PCYT1A: variants seen among roughly 807,000 people sequenced by gnomAD.
PCYT1A encodes choline-phosphate cytidylyltransferase A.
In PCYT1A, 25 loss-of-function variants were observed where a neutral mutation model predicts 43.7. That is an observed-to-expected ratio of 0.57 (90% CI 0.42 to 0.80). The LOEUF is 0.80. Among genes scored for constraint, PCYT1A ranks in the 30% least tolerant of loss-of-function variants. PCYT1A has a pLI of 0.00. For synonymous variants in PCYT1A, 172 were observed against 170.7 expected (o/e 1.01, Z -0.06); for missense variants, 421 against 474.2 (o/e 0.89, Z 1.04).
intron 1 of PCYT1A, among the ~76,000 whole-genome samples, chr3:196,272,202 T>TG (rs1308316725): frequency 6.8e-6 from 1 of 147,876 alleles, no homozygotes; most frequent in Non-Finnish European, 1.5e-5. Flanking sequence ...TTTTTTTTTT[T>TG]GAGAAAGAGT....
intron 3 of PCYT1A, among the ~76,000 whole-genome samples, chr3:196,253,840 T>C (rs1193212317): frequency 1.3e-5 from 2 of 152,072 alleles, no homozygotes; most frequent in African/African-American, 4.8e-5. Context: ...CAAGTGGCTA[T>C]TGGCCAGGAT....
chr3:196,248,081 T>TA, intron 4 of PCYT1A, 126 bp downstream of exon 4: 1 of 686,138 alleles, frequency 1.5e-6, no homozygotes, highest in Admixed American at 2.1e-5. Flanking sequence ...TCATGTGTGT[T>TA]AGAGAGGCTG....
intron 2 of PCYT1A, among the ~76,000 whole-genome samples, chr3:196,261,268 T>G (rs1432716929): frequency 2.6e-5 from 4 of 152,212 alleles, no homozygotes; most frequent in Non-Finnish European, 5.9e-5. Flanking sequence ...TTGTGATGGT[T>G]GTACAACAGT....
intron 2 of PCYT1A, chr3:196,267,212 C>T: frequency 2.7e-6 from 1 of 373,580 alleles, no homozygotes; most frequent in Non-Finnish European, 5.2e-6. Flanking sequence ...AGTACTTGTA[C>T]ATGTTGCAGT....
At chr3:196,261,147 G>T (rs1725096231) in intron 2 of PCYT1A, among the ~76,000 whole-genome samples, 1 of 152,228 alleles carries the variant, frequency 6.6e-6, no homozygotes, top group South Asian at 2.1e-4. Context: ...TGTAGAGACA[G>T]AAAGCAGATT....
chr3:196,243,393 A>C (rs1022912099), intron 5 of PCYT1A, among the ~76,000 whole-genome samples: 16 of 152,136 alleles, frequency 1.1e-4, no homozygotes, highest in African/African-American at 3.4e-4. Context: ...GTCCGTGAGA[A>C]AAGAGGGAAT....
Position 196,268,575 on chromosome 3 carries a change from A to G in PCYT1A, c.117+1840T>C, listed in dbSNP as rs1404067251. On this transcript the variant is annotated intron_variant, in intron 2 of 8. Coordinates refer to ENST00000431016, the MANE Select transcript of PCYT1A (RefSeq NM_001312673.2). The surrounding 1 kb of genome is among the most constrained non-coding windows in gnomAD (Gnocchi z 4.4). ...CGAGATAGGAAGACTACTTGAGCTC[A>G]GGAGTTCAAGACCAGCCTGGGCAAC... is the stretch of plus-strand genomic sequence containing the variant. Among the ~76,000 whole-genome samples, 2 of 152,144 alleles carry G rather than the reference A, an allele frequency of 1.3e-5. No homozygotes were observed. Among genetic ancestry groups the G allele is most frequent in the Admixed American group, 6.6e-5 (1 of 15,262 alleles).
At chr3:196,267,766 A>C (rs1725319545) in intron 2 of PCYT1A, among the ~76,000 whole-genome samples, 1 of 152,198 alleles carries the variant, frequency 6.6e-6, no homozygotes, top group Admixed American at 6.5e-5. Flanking sequence ...ATGGTTGCAC[A>C]ACTCTGTGAA....
At position 196,236,527 on chromosome 3, in the gene PCYT1A, A is replaced by G. The variant is rs1458346850; in HGVS notation, c.*2161T>C. ...GAGTAAGAACTGCGCTTCAAAGAAG[A>G]GTTAGAAATGTCGTTGTCATAGGCG... is the stretch of plus-strand genomic sequence containing the variant. On this transcript the variant is annotated 3_prime_UTR_variant, in exon 9 of 9. Coordinates refer to ENST00000431016, the MANE Select transcript of PCYT1A (RefSeq NM_001312673.2). 6.6e-6 allele frequency: 1 copy of G among 152,094 alleles called. No homozygotes were observed. The highest frequency in any genetic ancestry group is 1.5e-5 in the Non-Finnish European group (1 of 68,028). 9.4% of individuals were successfully genotyped at this position (152,094 alleles called of 1,614,324 possible). A position where few individuals can be genotyped will look rare whatever the true frequency, so the allele number is the denominator to read the frequency against.
chr3:196,280,578 T>TC (rs1357463759), intron 1 of PCYT1A, among the ~76,000 whole-genome samples: 1 of 147,728 alleles, frequency 6.8e-6, no homozygotes, highest in African/African-American at 2.5e-5. Flanking sequence ...TTGTTTTTTT[T>TC]TTTTTTTTTT....
Position 196,280,645 on chromosome 3 carries a change from C to T in PCYT1A, c.-11+6970G>A, listed in dbSNP as rs184656133. ...TCTGCGGATGTGGAGCCCATGGCCACGAAGGGCTGACTCTACTTTGTTTTC... is the reference window on the plus strand; with the variant it reads ...TCTGCGGATGTGGAGCCCATGGCCATGAAGGGCTGACTCTACTTTGTTTTC... On this transcript the variant is annotated intron_variant, in intron 1 of 8. Transcript: ENST00000431016. Among the ~76,000 whole-genome samples, 417 of 144,162 alleles carry T rather than the reference C, an allele frequency of 2.9e-3. 4 individuals are homozygous for T. The highest frequency in any genetic ancestry group is 0.015 in the Middle Eastern group (4 of 270). The allele number at this position is 144,162 out of a possible 152,430, so 94.6% of individuals were successfully genotyped here. A position where few individuals can be genotyped will look rare whatever the true frequency, so the allele number is the denominator to read the frequency against.
At chr3:196,244,814 CAT>C (rs1273032920) in intron 5 of PCYT1A, among the ~76,000 whole-genome samples, 2 of 152,154 alleles carry the variant, frequency 1.3e-5, no homozygotes, top group Non-Finnish European at 1.5e-5. Context: ...CTCTCTGAAA[CAT>C]GTGCTGTGTC....
chr3:196,278,253 A>G (rs1473952007), intron 1 of PCYT1A, among the ~76,000 whole-genome samples: 5 of 152,208 alleles, frequency 3.3e-5, no homozygotes, highest in Non-Finnish European at 7.3e-5. Flanking sequence ...ACTGCCCAGT[A>G]ACCATTTGGA....
rs1725801037 is a variant in PCYT1A at position 196,282,651 on chromosome 3, T to C, written c.-11+4964A>G. On this transcript the variant is annotated intron_variant, in intron 1 of 8. Transcript: ENST00000431016. This position sits in a 1 kb window ranked among gnomAD's most constrained non-coding sequence, Gnocchi z 4.3. The stretch of plus-strand genomic sequence containing the variant: ...CTGGTTTTCTTTATAGTTCTATGTA[T>C]TTTATTTTTGCATATAAAAACATAT... 1.3e-5 allele frequency among the ~76,000 whole-genome samples: 2 copies of C among 152,172 alleles called. No homozygotes were observed. Among genetic ancestry groups the C allele is most frequent in the African/African-American group, 4.8e-5 (2 of 41,446 alleles).
intron 3 of PCYT1A, among the ~76,000 whole-genome samples, chr3:196,253,171 T>C (rs1437632377): frequency 6.6e-6 from 1 of 151,930 alleles, no homozygotes; most frequent in Non-Finnish European, 1.5e-5. Context: ...ACCCTGTGTC[T>C]ACTAAAAATA....
In PCYT1A at chr3:196,238,696, C is replaced by A; in HGVS notation, c.1096G>T (p.Glu366Ter). Reference protein sequence around the residue: ...AAAYDISEDEED With the variant: ...AAAYDISEDE ...AAAGGAGGGAGGAAACATTAGTCTT[C>A]TTCATCCTCACTGATATCATAGGCT... Residue 366 changes from glutamate to a stop codon, truncating the protein, a stop_gained, in exon 9 of 9, where the codon GAA (glutamate) becomes TAA (stop). Coordinates refer to ENST00000431016, the MANE Select transcript of PCYT1A (RefSeq NM_001312673.2). LOFTEE classifies it high-confidence loss of function. The A allele has an allele frequency of 6.5e-7, 1 of 1,541,534 alleles. No individual in the cohort carries two copies. The highest frequency in any genetic ancestry group is 8.7e-7 in the Non-Finnish European group (1 of 1,143,362).
chr3:196,276,097 CAA>C (rs768969878), intron 1 of PCYT1A, among the ~76,000 whole-genome samples: 4 of 68,206 alleles, frequency 5.9e-5, no homozygotes, highest in Admixed American at 1.6e-4. Context: ...ACTCCGTCTC[CAA>C]AAAAAAAAAA....
chr3:196,282,492 T>A lies in PCYT1A; in HGVS notation c.-11+5123A>T, dbSNP rs959145059. Among the ~76,000 whole-genome samples, 23 of 152,202 alleles carry A rather than the reference T, an allele frequency of 1.5e-4. No individual in the cohort carries two copies. Among genetic ancestry groups the A allele is most frequent in the African/African-American group, 5.1e-4 (21 of 41,450 alleles). ...TGTATCTTTATTTTCACTTCAGTGA[T>A]GAACATAAGCTACAGCAGTAATAGC... is the stretch of plus-strand genomic sequence containing the variant. On this transcript the variant is annotated intron_variant, in intron 1 of 8. Coordinates refer to ENST00000431016, the MANE Select transcript of PCYT1A (RefSeq NM_001312673.2). This position sits in a 1 kb window ranked among gnomAD's most constrained non-coding sequence, Gnocchi z 4.3.
chr3:196,264,767 C>T (rs1346416142), intron 2 of PCYT1A, among the ~76,000 whole-genome samples: 2 of 152,106 alleles, frequency 1.3e-5, no homozygotes, highest in African/African-American at 4.8e-5. Flanking sequence ...CTATTTGGCA[C>T]TTTTCATACG....
Sources: allele counts gnomAD v4.1 joint callset (sites outside exome capture counted in the v4.1 genomes callset), GRCh38; gene constraint gnomAD v4.1.1; non-coding constraint Gnocchi (gnomAD v3.1); transcripts MANE v1.5; gene names NCBI Gene and HGNC (gene_info 2026-07-23, HGNC 2026-07-21).